The following IKBKB variants were observed in gnomAD, a reference collection of about 807,000 sequenced individuals.
IKBKB encodes the protein inhibitor of nuclear factor kappa-B kinase subunit beta.
A neutral mutation model predicts 113.6 loss-of-function variants in IKBKB; 42 were observed. The observed-to-expected ratio is 0.37, with a 90% CI of 0.29 to 0.48. The LOEUF (loss-of-function observed/expected upper bound fraction) is 0.48. Ranked by LOEUF, IKBKB falls within the 20% of genes least tolerant of loss-of-function variation. The pLI is 0.99. For synonymous variants in IKBKB, 296 were observed against 361.3 expected (o/e 0.82, Z 2.05); for missense variants, 673 against 939.7 (o/e 0.72, Z 3.71).
Position 42,318,539 on chromosome 8 carries a change from T to A in IKBKB, c.1241-13T>A, listed in dbSNP as rs201363242. On this transcript the variant is annotated splice_polypyrimidine_tract_variant and intron_variant, in intron 12 of 21. Coordinates refer to ENST00000520810, the MANE Select transcript of IKBKB (RefSeq NM_001556.3). The stretch of plus-strand genomic sequence containing the variant: ...GGTTATTCTTTGACAATTGCTTGTG[T>A]CTCTGTCTCCAGTTCAAGAGCCCAA... 1.1e-5 allele frequency: 17 copies of A among 1,611,208 alleles called. No homozygotes were observed. Among genetic ancestry groups the A allele is most frequent in the Non-Finnish European group, 1.4e-5 (16 of 1,178,248 alleles).
At chr8:42,290,554 C>G (rs961237194) in intron 4 of IKBKB, among the ~76,000 whole-genome samples, 8 of 152,162 alleles carry the variant, frequency 5.3e-5, no homozygotes, top group African/African-American at 1.9e-4. Flanking sequence ...CATCACAGGT[C>G]TGGGCGTGGG....
chr8:42,289,935 C>G (rs17875677), intron 3 of IKBKB, among the ~76,000 whole-genome samples: 1 of 152,166 alleles, frequency 6.6e-6, no homozygotes, highest in Non-Finnish European at 1.5e-5. Flanking sequence ...TGAAGTTACA[C>G]GCAGTTGTGC....
intron 2 of IKBKB, among the ~76,000 whole-genome samples, chr8:42,279,643 C>T (rs1035318889): frequency 6.6e-6 from 1 of 152,140 alleles, no homozygotes; most frequent in African/African-American, 2.4e-5. Context: ...CTCTGTGACT[C>T]ACCCACAGAC....
intron 2 of IKBKB, among the ~76,000 whole-genome samples, chr8:42,287,573 A>T (rs150906265): frequency 4.5e-4 from 68 of 152,304 alleles, no homozygotes; most frequent in African/African-American, 1.6e-3. Flanking sequence ...GGAAATGCAG[A>T]TAGGAGCCAA....
intron 2 of IKBKB, among the ~76,000 whole-genome samples, chr8:42,285,107 G>C (rs1023527656): frequency 6.6e-6 from 1 of 151,910 alleles, no homozygotes; most frequent in African/African-American, 2.4e-5. Flanking sequence ...CCACCTGCCT[G>C]GGCCTCCCAA....
Position 42,316,112 on chromosome 8 carries a change from C to T in IKBKB, c.801-98C>T, listed in dbSNP as rs895913130. On this transcript the variant is annotated intron_variant, in intron 9 of 21. Transcript: ENST00000520810. This position sits in a 1 kb window ranked among gnomAD's most constrained non-coding sequence, Gnocchi z 4.5. The stretch of plus-strand genomic sequence containing the variant: ...TAAACCCATTTTCATTTTCAATCAC[C>T]GTCTACTGGCTGCCGTCTGTGTGTA... The T allele has an allele frequency of 6.1e-6, 8 of 1,318,924 alleles. No individual in the cohort carries two copies. The highest frequency in any genetic ancestry group is 2.4e-5 in the East Asian group (1 of 42,068). The allele number at this position is 1,318,924 out of a possible 1,614,324, so 81.7% of individuals were successfully genotyped here. A position where few individuals can be genotyped will look rare whatever the true frequency, so the allele number is the denominator to read the frequency against.
In IKBKB at chr8:42,317,718, C is replaced by T. The variant is rs1383432762; in HGVS notation, c.1187C>T (p.Thr396Ile). ...TTTCTCTTTGACAACAGTAAAATCA[C>T]CTATGAGACTCAGATCTCCCCACGG... ...LVFLFDNSKI[T>I]YETQISPRPQ... Residue 396 changes from threonine (T) to isoleucine (I), a missense_variant, in exon 12 of 22, where the codon ACC becomes ATC. Transcript: ENST00000520810. 6.2e-7 allele frequency: 1 copy of T among 1,614,080 alleles called. No homozygotes were observed.
rs1439204728 is a variant in IKBKB at position 42,298,083 on chromosome 8, T to C, written c.388+4571T>C. The stretch of plus-strand genomic sequence containing the variant: ...CCTAAAATAGCTCAAGGAAGTTATA[T>C]GTGAGTGGACTCTATTTAAACAGTC... On this transcript the variant is annotated intron_variant, in intron 5 of 21. Coordinates refer to ENST00000520810, the MANE Select transcript of IKBKB (RefSeq NM_001556.3). The C allele has an allele frequency of 3.0e-6, 3 of 985,230 alleles. No individual in the cohort carries two copies. In the African/African-American group the frequency reaches 5.2e-5, roughly 17 times the overall value. The allele number at this position is 985,230 out of a possible 1,614,324, so 61.0% of individuals were successfully genotyped here. A position where few individuals can be genotyped will look rare whatever the true frequency, so the allele number is the denominator to read the frequency against.
Position 42,318,874 on chromosome 8 carries a change from G to A in IKBKB, c.1364+199G>A, listed in dbSNP as rs557195888. The stretch of plus-strand genomic sequence containing the variant: ...CTTTAGACCTGGCGAGGTGAGTGTG[G>A]TTGGCACAGGGTGAGGAGTGTGGAA... On this transcript the variant is annotated intron_variant, in intron 13 of 21. Coordinates refer to ENST00000520810, the MANE Select transcript of IKBKB (RefSeq NM_001556.3). The A allele has an allele frequency of 8.9e-4, 512 of 573,886 alleles. 1 individual carries two copies. The highest frequency in any genetic ancestry group is 3.8e-3 in the Middle Eastern group (8 of 2,100). 35.5% of individuals were successfully genotyped at this position (573,886 alleles called of 1,614,324 possible).
At chr8:42,327,326 C>CTT (rs1391417414) in intron 20 of IKBKB, among the ~76,000 whole-genome samples, 25 of 103,174 alleles carry the variant, frequency 2.4e-4, no homozygotes, top group African/African-American at 6.5e-4. Flanking sequence ...GTCTCTCTCT[C>CTT]TCTCTTTTTT....
chr8:42,314,300 C>T (rs757631598), intron 8 of IKBKB, 22 bp from the exon 9 acceptor site: 1 of 1,552,372 alleles, frequency 6.4e-7, no homozygotes, highest in South Asian at 1.1e-5. Flanking sequence ...GTGACTGCAC[C>T]TAACAAGATT....
intron 8 of IKBKB, 40 bp downstream of exon 8, chr8:42,309,065 G>A (rs1384211663): frequency 1.3e-6 from 2 of 1,597,298 alleles, no homozygotes; most frequent in Admixed American, 3.4e-5. Flanking sequence ...GAGGGAGCCT[G>A]TCTGTTCCTT....
intron 2 of IKBKB, among the ~76,000 whole-genome samples, chr8:42,274,176 G>A (rs1270299785): frequency 2.6e-5 from 4 of 151,858 alleles, no homozygotes; most frequent in African/African-American, 9.7e-5. Flanking sequence ...AATTACAGGT[G>A]TGCACCACCA....
At chr8:42,318,701 A>G (rs199711284) in intron 13 of IKBKB, 26 bp downstream of exon 13, 3 of 1,570,372 alleles carry the variant, frequency 1.9e-6, no homozygotes, top group Non-Finnish European at 2.6e-6. Context: ...TTTTTTTTAA[A>G]CTTAATTTAT....
Position 42,274,784 on chromosome 8 carries a change from GCGCCCCC to G in IKBKB, c.105+2581_105+2587del, listed in dbSNP as rs1256858385. On this transcript the variant is annotated intron_variant, in intron 2 of 21. Transcript: ENST00000520810. ...CTGAACTTAGGTGATCCCCGCCGGC[GCGCCCCC>G]CCCCCCCCCCGCCATCCCAGCCTCC... 5.8e-3 allele frequency among the ~76,000 whole-genome samples: 242 copies of G among 41,682 alleles called. 27 individuals carry two copies. Among genetic ancestry groups the G allele is most frequent in the African/African-American group, 9.0e-3 (213 of 23,650 alleles). 27.3% of individuals were successfully genotyped at this position (41,682 alleles called of 152,430 possible).
At chr8:42,285,268 G>A (rs1454117599) in intron 2 of IKBKB, among the ~76,000 whole-genome samples, 2 of 152,150 alleles carry the variant, frequency 1.3e-5, no homozygotes, top group Non-Finnish European at 2.9e-5. Context: ...CAAGGTGGCC[G>A]GGTGCAGGGG....
intron 2 of IKBKB, among the ~76,000 whole-genome samples, chr8:42,276,101 A>C (rs1342455848): frequency 2.0e-5 from 3 of 152,166 alleles, no homozygotes; most frequent in Admixed American, 1.3e-4. Context: ...TCAGCCTCCC[A>C]ACCTGCTGAA....
At chr8:42,296,518 G>T (rs575491597) in intron 5 of IKBKB, among the ~76,000 whole-genome samples, 1 of 152,078 alleles carries the variant, frequency 6.6e-6, no homozygotes, top group Non-Finnish European at 1.5e-5. Context: ...CAGGTGTGGG[G>T]CATGCCTGTA....
intron 5 of IKBKB, 102 bp from the exon 6 acceptor site, chr8:42,305,084 GT>G: frequency 1.3e-6 from 1 of 768,754 alleles, no homozygotes; most frequent in South Asian, 1.5e-5. Flanking sequence ...ACAAGTCAGA[GT>G]ATGTTTCAGG....
Sources: allele counts gnomAD v4.1 joint callset (sites outside exome capture counted in the v4.1 genomes callset), GRCh38; gene constraint gnomAD v4.1.1; non-coding constraint Gnocchi (gnomAD v3.1); transcripts MANE v1.5; gene names NCBI Gene and HGNC (gene_info 2026-07-23, HGNC 2026-07-21).